SATL1: variants seen among roughly 807,000 people sequenced by gnomAD.
SATL1 encodes spermidine/spermine N1-acetyl transferase like 1, also known as spermidine/spermine N(1)-acetyltransferase-like protein 1.
In SATL1, 47 loss-of-function variants were observed where a neutral mutation model predicts 51.8. The ratio of observed to expected loss-of-function variants is 0.91; its 90% CI spans 0.72 to 1.16. The LOEUF is 1.16. Among genes scored for constraint, SATL1 ranks in the 50% most tolerant of loss-of-function variants. The pLI is 0.00. For synonymous variants in SATL1, 176 were observed against 182.4 expected, an observed-to-expected ratio of 0.97 and a Z score of 0.28; for missense variants, 520 against 526.4, an observed-to-expected ratio of 0.99 and a Z score of 0.12.
intron 2 of SATL1, among the ~76,000 whole-genome samples, chrX:85,140,096 A>G (rs1412636304): frequency 8.9e-6 from 1 of 111,784 alleles, no homozygotes; most frequent in African/African-American, 3.2e-5. Flanking sequence ...AACAGCAATT[A>G]CATTTGAACC....
intron 2 of SATL1, among the ~76,000 whole-genome samples, chrX:85,142,187 G>C (rs1178850304): frequency 1.9e-5 from 2 of 106,730 alleles, no homozygotes; most frequent in East Asian, 6.0e-4. Context: ...ACGAGGTTAG[G>C]AGATCGAGAC....
At position 85,204,500 on chromosome X, in the gene SATL1, C is replaced by A. The variant is rs747203000; in HGVS notation, c.-313+19705G>T. The stretch of plus-strand genomic sequence containing the variant: ...TCATTTCACAAGCCTATCTGGCATG[C>A]ATTAAAGAGCATTGAGAAAGTTAAA... On this transcript the variant is annotated intron_variant, in intron 2 of 7. Coordinates refer to ENST00000644105, the MANE Select transcript of SATL1 (RefSeq NM_001367857.2). Among the ~76,000 whole-genome samples the A allele has an allele frequency of 2.7e-5, 3 of 111,884 alleles. No individual in the cohort carries two copies. In the East Asian group the frequency reaches 8.5e-4, roughly 32 times the overall value.
At chrX:85,204,121 A>G (rs1927742930) in intron 2 of SATL1, among the ~76,000 whole-genome samples, 1 of 111,590 alleles carries the variant, frequency 9.0e-6, no homozygotes, top group South Asian at 3.8e-4. Context: ...CTCCTGACTT[A>G]AGGGTTGCAA....
At chrX:85,178,059 TC>T (rs1569242491) in intron 2 of SATL1, among the ~76,000 whole-genome samples, 1 of 111,770 alleles carries the variant, frequency 8.9e-6, no homozygotes, top group Non-Finnish European at 1.9e-5. Context: ...ATTTTAGATT[TC>T]CTTAAGCTTC....
chrX:85,164,355 G>A (rs1279844095), intron 2 of SATL1, among the ~76,000 whole-genome samples: 1 of 111,367 alleles, frequency 9.0e-6, no homozygotes, highest in African/African-American at 3.3e-5. Context: ...GCTTTAAAGA[G>A]GTTGTATTTT....
chrX:85,107,308 T>C lies in SATL1; in HGVS notation c.1641+20A>G. The C allele has an allele frequency of 2.6e-6, 3 of 1,175,229 alleles. No individual in the cohort carries two copies. The highest frequency in any genetic ancestry group is 1.8e-5 in the South Asian group (1 of 55,146). On this transcript the variant is annotated intron_variant, in intron 3 of 7. Coordinates refer to ENST00000644105, the MANE Select transcript of SATL1 (RefSeq NM_001367857.2). ...CCTACACCAATGCCATGAGGCTCCATGTAATAAAAATAGGCTTACTTTAAT... is the reference window on the plus strand; with the variant it reads ...CCTACACCAATGCCATGAGGCTCCACGTAATAAAAATAGGCTTACTTTAAT...
In SATL1 at chrX:85,200,711, GTAATTA is replaced by G. The variant is rs1927669852; in HGVS notation, c.-313+23488_-313+23493del. ...TAAAATAAGAGGTGATACATGTATA[GTAATTA>G]TATTTTCTGGTCTAAAAATTAGGAC... On this transcript the variant is annotated intron_variant, in intron 2 of 7. Coordinates refer to ENST00000644105, the MANE Select transcript of SATL1 (RefSeq NM_001367857.2). Among the ~76,000 whole-genome samples, 4 of 111,221 alleles carry G rather than the reference GTAATTA, an allele frequency of 3.6e-5. No individual in the cohort carries two copies. The South Asian group carries it at 1.5e-3, about 41-fold the overall frequency.
chrX:85,176,810 A>T (rs1243998416), intron 2 of SATL1, among the ~76,000 whole-genome samples: 3 of 111,315 alleles, frequency 2.7e-5, no homozygotes, highest in African/African-American at 9.8e-5. Context: ...CTCATTCAGA[A>T]ATTTTTCAGT....
At chrX:85,228,269 C>T (rs1232959823) in intron 1 of SATL1, among the ~76,000 whole-genome samples, 1 of 111,108 alleles carries the variant, frequency 9.0e-6, no homozygotes, top group Non-Finnish European at 1.9e-5. Context: ...AGGCAGACTC[C>T]TTCATTTGTG....
chrX:85,137,126 G>A (rs762308198), intron 2 of SATL1, among the ~76,000 whole-genome samples: 1 of 111,111 alleles, frequency 9.0e-6, no homozygotes, highest in African/African-American at 3.3e-5. Flanking sequence ...GGATTCGTTA[G>A]GATTGGGAAA....
chrX:85,241,086 T>G (rs1163235467), intron 1 of SATL1, among the ~76,000 whole-genome samples: 1 of 111,685 alleles, frequency 9.0e-6, no homozygotes, highest in African/African-American at 3.3e-5. Flanking sequence ...ACGGACTTTT[T>G]GAGTGTCATT....
intron 1 of SATL1, among the ~76,000 whole-genome samples, chrX:85,225,967 C>A (rs1418410938): frequency 9.1e-6 from 1 of 110,438 alleles, no homozygotes; most frequent in Non-Finnish European, 1.9e-5. Context: ...TCCCCCAACC[C>A]CCACACTCAT....
Position 85,107,944 on chromosome X carries a change from C to G in SATL1, c.1025G>C (p.Ser342Thr), listed in dbSNP as rs746773735. The G allele has an allele frequency of 8.3e-7, 1 of 1,211,385 alleles. No individual in the cohort carries two copies. The highest frequency in any genetic ancestry group is 3.0e-5 in the East Asian group (1 of 33,793). ...ACCTGGTTGGCTTATGCTTGCTTCA[C>G]TCAGGACTAGTTCGCTCAGGCTTTG... The part of the protein sequence containing the change: ...WPQSLSELVL[S>T]EASISQPGPP... Residue 342 changes from serine (S) to threonine (T), a missense_variant, in exon 3 of 8, where the codon AGT becomes ACT. Around this residue, in one of 3 missense-constraint regions of SATL1, gnomAD observed 488 missense variants for 474.3 expected, o/e 1.03. Coordinates refer to ENST00000644105, the MANE Select transcript of SATL1 (RefSeq NM_001367857.2).
chrX:85,192,989 A>G (rs1417167904), intron 2 of SATL1, among the ~76,000 whole-genome samples: 2 of 111,937 alleles, frequency 1.8e-5, no homozygotes, highest in Admixed American at 1.9e-4. Flanking sequence ...TTGCACTCTA[A>G]AAGTGGAAAA....
intron 2 of SATL1, among the ~76,000 whole-genome samples, chrX:85,135,893 C>A (rs1330997212): frequency 1.8e-5 from 2 of 109,512 alleles, no homozygotes. Context: ...AGAGATAAAT[C>A]TAATGAAAAA....
At chrX:85,216,958 G>T (rs1415427097) in intron 2 of SATL1, among the ~76,000 whole-genome samples, 4 of 111,838 alleles carry the variant, frequency 3.6e-5, no homozygotes, top group Admixed American at 9.5e-5. Context: ...GTTATAGAAA[G>T]CCTGGGTCAG....
intron 2 of SATL1, among the ~76,000 whole-genome samples, chrX:85,176,509 G>GTAC (rs1927084191): frequency 1.8e-5 from 2 of 111,346 alleles, no homozygotes; most frequent in South Asian, 7.4e-4. Context: ...TCTATACAAT[G>GTAC]GAATGCTATG....
chrX:85,137,615 A>G (rs1227954580), intron 2 of SATL1, among the ~76,000 whole-genome samples: 1 of 111,490 alleles, frequency 9.0e-6, no homozygotes, highest in Non-Finnish European at 1.9e-5. Context: ...TCAGCAGTTT[A>G]AATTATATAT....
chrX:85,130,495 T>G (rs774586743), intron 2 of SATL1, among the ~76,000 whole-genome samples: 1 of 111,282 alleles, frequency 9.0e-6, no homozygotes, highest in African/African-American at 3.3e-5. Context: ...TGGTGATATC[T>G]CCTTTATCAT....
Sources: gnomAD v4.1 joint callset for allele counts (sites outside exome capture counted in the v4.1 genomes callset) on GRCh38, gnomAD v4.1.1 for gene constraint, gnomAD v4.1.1 regional missense constraint, MANE v1.5 for transcripts, NCBI Gene and HGNC (gene_info 2026-07-23, HGNC 2026-07-21) for gene names.